The following PTPRR variants were observed in gnomAD, a reference collection of about 807,000 sequenced individuals.
The protein encoded by PTPRR is protein tyrosine phosphatase receptor type R.
In PTPRR, 38 loss-of-function variants were observed where a neutral mutation model predicts 77.2. The ratio of observed to expected loss-of-function variants is 0.49; its 90% CI spans 0.38 to 0.65. The LOEUF is 0.65. Ranked by LOEUF, PTPRR falls within the 30% of genes least tolerant of loss-of-function variation. The probability of loss-of-function intolerance (pLI) is 0.00; values close to 1 mark genes in which losing one functional copy is unlikely to be tolerated. For synonymous variants in PTPRR, 299 were observed against 283.1 expected (o/e 1.06, Z -0.57); for missense variants, 744 against 799.2 (o/e 0.93, Z 0.83).
intron 6 of PTPRR, among the ~76,000 whole-genome samples, chr12:70,744,486 G>A (rs1352227280): frequency 1.3e-5 from 2 of 152,204 alleles, no homozygotes; most frequent in East Asian, 1.9e-4. Context: ...AGGGTTCAGT[G>A]TTTAAGGACT....
Position 70,876,550 on chromosome 12 carries a change from T to C in PTPRR, c.357+16129A>G, listed in dbSNP as rs957265965. Among the ~76,000 whole-genome samples the C allele has an allele frequency of 5.9e-5, 9 of 152,282 alleles. No homozygotes were observed. The South Asian group carries it at 1.9e-3, about 32-fold the overall frequency. ...AGAAAAGCCACTTGCAGAGTAAGTA[T>C]GACCCAATTTTCAGAACAATACAAA... On this transcript the variant is annotated intron_variant, in intron 2 of 13. Coordinates refer to ENST00000283228, the MANE Select transcript of PTPRR (RefSeq NM_002849.4).
chr12:70,780,247 C>T (rs1476764084), intron 2 of PTPRR, among the ~76,000 whole-genome samples: 2 of 152,134 alleles, frequency 1.3e-5, no homozygotes, highest in Admixed American at 1.3e-4. Flanking sequence ...GCCTTGGCCT[C>T]CCAAAGCGCT....
intron 11 of PTPRR, 141 bp from the exon 12 acceptor site, chr12:70,661,238 G>A: frequency 1.9e-6 from 2 of 1,033,980 alleles, no homozygotes. Flanking sequence ...GAAGATTTTT[G>A]AAGAGTGCCC....
At chr12:70,672,459 T>C (rs1887268401) in intron 10 of PTPRR, 3 of 1,091,252 alleles carry the variant, frequency 2.7e-6, no homozygotes, top group Non-Finnish European at 4.2e-6. Context: ...CCATGGCCCA[T>C]GTGGCTGGCT....
intron 2 of PTPRR, among the ~76,000 whole-genome samples, chr12:70,884,789 G>A (rs1459222017): frequency 4.0e-5 from 6 of 148,848 alleles, no homozygotes; most frequent in African/African-American, 1.2e-4. Context: ...AGGGAATGGC[G>A]TGAACCTGAG....
intron 2 of PTPRR, among the ~76,000 whole-genome samples, chr12:70,872,822 C>G (rs950650575): frequency 2.7e-5 from 4 of 150,612 alleles, no homozygotes; most frequent in Non-Finnish European, 5.9e-5. Context: ...TATTCATAGA[C>G]AGTAACTCAG....
chr12:70,898,221 G>T (rs934319941), intron 1 of PTPRR, among the ~76,000 whole-genome samples: 18 of 120,804 alleles, frequency 1.5e-4, no homozygotes, highest in Non-Finnish European at 2.8e-4. Context: ...AGCAATTAGA[G>T]AAACCTTAAA....
At chr12:70,912,865 C>T (rs1052042214) in intron 1 of PTPRR, among the ~76,000 whole-genome samples, 5 of 152,022 alleles carry the variant, frequency 3.3e-5, no homozygotes, top group Non-Finnish European at 5.9e-5. Flanking sequence ...TTTTTCGAAA[C>T]TACTAACATC....
At chr12:70,917,981 T>C (rs776941772) in intron 1 of PTPRR, among the ~76,000 whole-genome samples, 15 of 152,198 alleles carry the variant, frequency 9.9e-5, no homozygotes, top group Non-Finnish European at 1.8e-4. Flanking sequence ...TTCCCTTCTT[T>C]ATGAAGTCAG....
intron 4 of PTPRR, among the ~76,000 whole-genome samples, chr12:70,759,967 T>C (rs1404325227): frequency 6.6e-6 from 1 of 152,154 alleles, no homozygotes. Context: ...AAGATTACTT[T>C]GGTGGCAGGA....
rs537859662 is a variant in PTPRR, at chr12:70,778,315, C to G, written c.358-13537G>C. Among the ~76,000 whole-genome samples, 6 of 152,156 alleles carry G rather than the reference C, an allele frequency of 3.9e-5. No individual in the cohort carries two copies. In the East Asian group the frequency reaches 9.7e-4, roughly 25 times the overall value. ...GGCTAGTCTGTCTTGCCTTTCCCAC[C>G]CCTCATCTCATAGAAGTCTTTATCT... On this transcript the variant is annotated intron_variant, in intron 2 of 13. Coordinates refer to ENST00000283228, the MANE Select transcript of PTPRR (RefSeq NM_002849.4).
chr12:70,675,840 T>C (rs997624050), intron 10 of PTPRR, among the ~76,000 whole-genome samples: 12 of 151,916 alleles, frequency 7.9e-5, no homozygotes, highest in Non-Finnish European at 1.5e-4. Context: ...TTTCAGTTCT[T>C]TGTAGGTAAT....
At chr12:70,853,873 G>A (rs755541912) in intron 2 of PTPRR, among the ~76,000 whole-genome samples, 1 of 152,206 alleles carries the variant, frequency 6.6e-6, no homozygotes, top group Non-Finnish European at 1.5e-5. Flanking sequence ...AATGCCAAGT[G>A]GCGAGTTGTT....
intron 2 of PTPRR, among the ~76,000 whole-genome samples, chr12:70,851,779 T>A (rs1248278684): frequency 6.6e-6 from 1 of 152,212 alleles, no homozygotes; most frequent in East Asian, 1.9e-4. Flanking sequence ...GATGTTTAGA[T>A]GTATCCTGAT....
intron 6 of PTPRR, among the ~76,000 whole-genome samples, chr12:70,708,277 G>A (rs1280084272): frequency 6.6e-6 from 1 of 152,134 alleles, no homozygotes; most frequent in Non-Finnish European, 1.5e-5. Flanking sequence ...AGTTGCAAAT[G>A]AATTGGTTAG....
At chr12:70,836,555 C>T (rs142001745) in intron 2 of PTPRR, among the ~76,000 whole-genome samples, 23 of 152,052 alleles carry the variant, frequency 1.5e-4, no homozygotes, top group Non-Finnish European at 3.4e-4. Context: ...TAATCTAGCC[C>T]CTTCTCATCA....
intron 5 of PTPRR, among the ~76,000 whole-genome samples, chr12:70,752,031 A>T (rs1358308022): frequency 1.3e-5 from 2 of 152,150 alleles, no homozygotes; most frequent in Non-Finnish European, 2.9e-5. Context: ...GCAACCACTG[A>T]TATTTTCTAT....
intron 13 of PTPRR, among the ~76,000 whole-genome samples, chr12:70,644,546 C>T (rs75146572): frequency 0.012 from 1,878 of 152,208 alleles, 36 homozygotes; most frequent in African/African-American, 0.041. Context: ...GCAAATGATG[C>T]GACAATAAAA....
intron 6 of PTPRR, among the ~76,000 whole-genome samples, chr12:70,723,767 A>C (rs1168926591): frequency 6.6e-6 from 1 of 152,170 alleles, no homozygotes; most frequent in African/African-American, 2.4e-5. Context: ...GCATTAAATA[A>C]CATTCTTATT....
Sources: gnomAD v4.1 joint callset for allele counts (sites outside exome capture counted in the v4.1 genomes callset) on GRCh38, gnomAD v4.1.1 for gene constraint, MANE v1.5 for transcripts, NCBI Gene and HGNC (gene_info 2026-07-23, HGNC 2026-07-21) for gene names.